CSMD1: variants seen among roughly 807,000 people sequenced by gnomAD.
The protein encoded by CSMD1 is CUB and sushi domain-containing protein 1.
CSMD1 carries 213 observed loss-of-function variants against 417.5 expected under a neutral mutation model. That is an observed-to-expected ratio of 0.51 (90% CI 0.46 to 0.57). The LOEUF is 0.57. CSMD1 is among the 20% of genes least tolerant of loss of function. The probability of loss-of-function intolerance (pLI) is 0.00; values close to 1 mark genes in which losing one functional copy is unlikely to be tolerated. For missense variants in CSMD1, 6,923 were observed against 4,529.7 expected (o/e 1.53, Z -15.17); for synonymous variants, 2,862 against 1,736.8 (o/e 1.65, Z -16.11).
chr8:4,475,699 T>C, intron 2 of CSMD1, among the ~76,000 whole-genome samples: 1 of 128,318 alleles, frequency 7.8e-6, no homozygotes, highest in South Asian at 2.6e-4. Context: ...TCACTGCAGC[T>C]GCCTCTGGGT....
intron 1 of CSMD1, among the ~76,000 whole-genome samples, chr8:4,647,076 A>G (rs1585386586): frequency 6.6e-6 from 1 of 152,300 alleles, no homozygotes; most frequent in Non-Finnish European, 1.5e-5. Flanking sequence ...TCAGTTCTTA[A>G]GGGGTGTTTT....
rs754154647 is a variant in CSMD1, at chr8:4,099,551, G to GTAC, written c.416-67455_416-67453dup. On this transcript the variant is annotated intron_variant, in intron 3 of 69. Transcript: ENST00000635120. Reference sequence around the variant, plus strand: ...TGAGCACCTTTGTGAACAAACTGAAGTACTGTTTAAGGCATGGCATATATC... The same window carrying GTAC: ...TGAGCACCTTTGTGAACAAACTGAAGTACTACTGTTTAAGGCATGGCATATATC... Among the ~76,000 whole-genome samples, 21 of 151,884 alleles carry GTAC rather than the reference G, an allele frequency of 1.4e-4. No individual in the cohort carries two copies. In the East Asian group the frequency reaches 3.7e-3, roughly 27 times the overall value.
At chr8:3,646,821 G>C (rs1377127612) in intron 7 of CSMD1, among the ~76,000 whole-genome samples, 2 of 152,004 alleles carry the variant, frequency 1.3e-5, no homozygotes, top group Non-Finnish European at 2.9e-5. Context: ...TGCTTCCCCT[G>C]CCTCCTCCCA....
At chr8:4,151,295 T>G (rs1270404314) in intron 3 of CSMD1, among the ~76,000 whole-genome samples, 5 of 152,228 alleles carry the variant, frequency 3.3e-5, no homozygotes, top group African/African-American at 9.6e-5. Flanking sequence ...GTAAATCATT[T>G]GCCTTGTTAT....
At chr8:3,147,612 A>G in intron 40 of CSMD1, among the ~76,000 whole-genome samples, 1 of 152,198 alleles carries the variant, frequency 6.6e-6, no homozygotes, top group East Asian at 1.9e-4. Flanking sequence ...TGCACACAGT[A>G]AAATTTGAGC....
chr8:4,418,646 A>C (rs1346732831), intron 3 of CSMD1, among the ~76,000 whole-genome samples: 1 of 152,080 alleles, frequency 6.6e-6, no homozygotes, highest in South Asian at 2.1e-4. Flanking sequence ...ATGCTTTTGT[A>C]ATATTCTGCA....
chr8:4,402,800 C>CTTTTTTTTTTTTTT (rs60965667), intron 3 of CSMD1, among the ~76,000 whole-genome samples: 13 of 89,366 alleles, frequency 1.5e-4, no homozygotes, highest in Non-Finnish European at 1.8e-4. Context: ...TCACTTTTTT[C>CTTTTTTTTTTTTTT]TTTTTTTTTT....
intron 41 of CSMD1, among the ~76,000 whole-genome samples, chr8:3,140,129 C>G (rs891367110): frequency 2.6e-5 from 4 of 152,140 alleles, no homozygotes; most frequent in African/African-American, 9.6e-5. Context: ...GTCTCAAACT[C>G]CTGACCTCAG....
chr8:3,023,721 C>G (rs1460974588), intron 51 of CSMD1, among the ~76,000 whole-genome samples: 5 of 152,078 alleles, frequency 3.3e-5, no homozygotes, highest in African/African-American at 1.2e-4. Context: ...AGGCTCACCT[C>G]TTCATCTGGA....
intron 1 of CSMD1, among the ~76,000 whole-genome samples, chr8:4,900,891 G>T (rs1338319235): frequency 6.6e-6 from 1 of 152,184 alleles, no homozygotes; most frequent in African/African-American, 2.4e-5. Flanking sequence ...CACCGTAAGG[G>T]CAGGTGCACC....
At chr8:4,707,085 C>A (rs1563184778) in intron 1 of CSMD1, among the ~76,000 whole-genome samples, 1 of 152,164 alleles carries the variant, frequency 6.6e-6, no homozygotes, top group South Asian at 2.1e-4. Flanking sequence ...ATCACCCTGG[C>A]AGCTGTGTGG....
At chr8:4,639,750 C>G (rs980221616) in intron 1 of CSMD1, among the ~76,000 whole-genome samples, 1 of 152,050 alleles carries the variant, frequency 6.6e-6, no homozygotes, top group Non-Finnish European at 1.5e-5. Context: ...CAACAGTAGA[C>G]CTCAGTGAGC....
intron 10 of CSMD1, among the ~76,000 whole-genome samples, chr8:3,522,495 A>C (rs962233447): frequency 6.6e-6 from 1 of 152,208 alleles, no homozygotes; most frequent in Non-Finnish European, 1.5e-5. Flanking sequence ...TTTACAAAAT[A>C]TTTTGTGAGT....
At chr8:3,984,355 G>C (rs962650416) in intron 5 of CSMD1, among the ~76,000 whole-genome samples, 3 of 152,172 alleles carry the variant, frequency 2.0e-5, no homozygotes, top group African/African-American at 7.2e-5. Flanking sequence ...GCTGACGACA[G>C]ATCATGAGTC....
intron 2 of CSMD1, among the ~76,000 whole-genome samples, chr8:4,540,511 C>A (rs1407710322): frequency 6.6e-6 from 1 of 152,056 alleles, no homozygotes; most frequent in African/African-American, 2.4e-5. Context: ...CCAGACCAGC[C>A]TGGGCAACAG....
At chr8:4,876,056 TC>T (rs1803020808) in intron 1 of CSMD1, among the ~76,000 whole-genome samples, 1 of 152,076 alleles carries the variant, frequency 6.6e-6, no homozygotes, top group Non-Finnish European at 1.5e-5. Context: ...ATTCAATTCT[TC>T]AGAAAACTAG....
intron 3 of CSMD1, among the ~76,000 whole-genome samples, chr8:4,381,848 G>A (rs942843335): frequency 6.6e-6 from 1 of 152,058 alleles, no homozygotes; most frequent in Non-Finnish European, 1.5e-5. Context: ...CCAAAGCTCA[G>A]CATCACCTAG....
intron 3 of CSMD1, among the ~76,000 whole-genome samples, chr8:4,081,491 G>C (rs906115826): frequency 2.6e-5 from 4 of 152,112 alleles, no homozygotes; most frequent in African/African-American, 9.7e-5. Context: ...GCCCTACAGG[G>C]AGGCTCACAT....
intron 26 of CSMD1, among the ~76,000 whole-genome samples, chr8:3,260,057 C>T (rs1800942210): frequency 6.6e-6 from 1 of 152,116 alleles, no homozygotes. Flanking sequence ...CGGTACAGAA[C>T]TATAATTATG....
Sources: allele counts gnomAD v4.1 joint callset (sites outside exome capture counted in the v4.1 genomes callset), GRCh38; gene constraint gnomAD v4.1.1; transcripts MANE v1.5; gene names NCBI Gene and HGNC (gene_info 2026-07-23, HGNC 2026-07-21).